Variants in SPIDR observed in about 807,000 individuals in gnomAD.
SPIDR encodes the protein scaffold protein involved in DNA repair.
A neutral mutation model predicts 104.6 loss-of-function variants in SPIDR; 93 were observed. The ratio of observed to expected loss-of-function variants is 0.89; its 90% CI spans 0.75 to 1.06. SPIDR has a LOEUF of 1.06. SPIDR is among the 50% of genes least tolerant of loss of function. SPIDR has a pLI of 0.00. For synonymous variants in SPIDR, 431 were observed against 416.9 expected (o/e 1.03, Z -0.41); for missense variants, 1,154 against 1,111.2 (o/e 1.04, Z -0.55).
chr8:47,734,885 G>T (rs374771430), intron 19 of SPIDR, among the ~76,000 whole-genome samples: 11 of 152,194 alleles, frequency 7.2e-5, no homozygotes, highest in African/African-American at 1.9e-4. Flanking sequence ...ATTAAGGAAG[G>T]AAGTTTGGGG....
At chr8:47,481,747 T>C (rs2154361933) in intron 8 of SPIDR, among the ~76,000 whole-genome samples, 1 of 152,296 alleles carries the variant, frequency 6.6e-6, no homozygotes, top group Middle Eastern at 3.4e-3. Context: ...GCTGATTATA[T>C]GATTGACAAG....
chr8:47,473,148 A>G (rs782240565), intron 8 of SPIDR, among the ~76,000 whole-genome samples: 3 of 152,212 alleles, frequency 2.0e-5, no homozygotes, highest in Non-Finnish European at 2.9e-5. Flanking sequence ...AATTATATAC[A>G]TGAACAAAAT....
At chr8:47,585,882 C>G (rs946933409) in intron 8 of SPIDR, among the ~76,000 whole-genome samples, 3 of 152,102 alleles carry the variant, frequency 2.0e-5, no homozygotes, top group Non-Finnish European at 4.4e-5. Flanking sequence ...ATGACCCAGT[C>G]ATCTCTTTAA....
chr8:47,732,353 A>C (rs1309532737), intron 19 of SPIDR, among the ~76,000 whole-genome samples: 1 of 152,244 alleles, frequency 6.6e-6, no homozygotes, highest in Non-Finnish European at 1.5e-5. Flanking sequence ...GCCCGTGTGC[A>C]TGTGTATGTG....
intron 8 of SPIDR, among the ~76,000 whole-genome samples, chr8:47,565,992 A>ATATATATATATATTTTTT (rs1554802202): frequency 1.3e-4 from 2 of 14,950 alleles, no homozygotes; most frequent in African/African-American, 1.6e-4. Context: ...ATATATATAT[A>ATATATATATATATTTTTT]TTTTTTTTTT....
chr8:47,508,565 G>C (rs182608804), intron 8 of SPIDR, among the ~76,000 whole-genome samples: 2 of 152,314 alleles, frequency 1.3e-5, no homozygotes, highest in Non-Finnish European at 2.9e-5. Flanking sequence ...AAGATGCCGT[G>C]TTGCTTTCGG....
intron 7 of SPIDR, among the ~76,000 whole-genome samples, chr8:47,410,208 A>G (rs570057824): frequency 2.7e-5 from 4 of 150,658 alleles, no homozygotes; most frequent in Admixed American, 6.6e-5. Context: ...TTGAGACAGC[A>G]TCTCGCTCTG....
At chr8:47,448,312 A>G (rs1554703453) in intron 8 of SPIDR, among the ~76,000 whole-genome samples, 1 of 152,210 alleles carries the variant, frequency 6.6e-6, no homozygotes, top group African/African-American at 2.4e-5. Flanking sequence ...ATTGTATTAA[A>G]TCATCATGAA....
chr8:47,284,579 C>T (rs986651921), intron 3 of SPIDR, among the ~76,000 whole-genome samples: 2 of 152,146 alleles, frequency 1.3e-5, no homozygotes, highest in South Asian at 4.1e-4. Context: ...TTGAATTTGT[C>T]TCCTGCAGCA....
chr8:47,496,276 AG>A (rs1433189353), intron 8 of SPIDR, among the ~76,000 whole-genome samples: 1 of 152,114 alleles, frequency 6.6e-6, no homozygotes, highest in Non-Finnish European at 1.5e-5. Flanking sequence ...TGTGGATCTT[AG>A]GGGGAAAGTG....
chr8:47,294,996 T>A (rs1057495839), intron 5 of SPIDR, among the ~76,000 whole-genome samples: 1 of 152,318 alleles, frequency 6.6e-6, no homozygotes, highest in African/African-American at 2.4e-5. Flanking sequence ...TGTCATTGTT[T>A]TTTCCCCTTC....
chr8:47,645,146 C>T (rs1256239298), intron 10 of SPIDR, among the ~76,000 whole-genome samples: 1 of 152,128 alleles, frequency 6.6e-6, no homozygotes, highest in African/African-American at 2.4e-5. Context: ...ACTCCAGCTG[C>T]TCCAGATCAA....
In SPIDR at chr8:47,289,066, G is replaced by A. The variant is rs797028165; in HGVS notation, c.257-1967G>A. 2.8e-3 allele frequency among the ~76,000 whole-genome samples: 429 copies of A among 152,160 alleles called. 3 individuals are homozygous for A. Among genetic ancestry groups the A allele is most frequent in the African/African-American group, 9.6e-3 (397 of 41,506 alleles). On this transcript the variant is annotated intron_variant, in intron 3 of 19. Coordinates refer to ENST00000297423, the MANE Select transcript of SPIDR (RefSeq NM_001080394.4). ...ACCCTGTCACTCGGGATGGAGTGCT[G>A]TGGTGCAGTCATAGCTCACTGCAGC...
chr8:47,588,046 T>A lies in SPIDR; in HGVS notation c.1098-7765T>A, dbSNP rs1160992638. Among the ~76,000 whole-genome samples the A allele has an allele frequency of 4.8e-4, 27 of 56,282 alleles. 1 individual carries two copies. The highest frequency in any genetic ancestry group is 2.5e-3 in the South Asian group (4 of 1,632). 36.9% of individuals were successfully genotyped at this position (56,282 alleles called of 152,430 possible). A position where few individuals can be genotyped will look rare whatever the true frequency, so the allele number is the denominator to read the frequency against. On this transcript the variant is annotated intron_variant, in intron 8 of 19. Coordinates refer to ENST00000297423, the MANE Select transcript of SPIDR (RefSeq NM_001080394.4). ...ATTAGCATATATATATATATATATA[T>A]ATATATATATATATATATATATATA...
At chr8:47,372,684 C>T (rs1554639752) in intron 5 of SPIDR, among the ~76,000 whole-genome samples, 1 of 151,636 alleles carries the variant, frequency 6.6e-6, no homozygotes, top group African/African-American at 2.4e-5. Flanking sequence ...TCATTTAATC[C>T]TCATGATGAT....
In SPIDR at chr8:47,440,379, A is replaced by G; in HGVS notation, c.934A>G (p.Met312Val). ...KILELHEECAMQVAMCEQLLG... is the reference protein window; with the variant it reads ...KILELHEECAVQVAMCEQLLG... ...TTTAGAGCTGCATGAGGAATGTGCCATGCAAGTTGCCATGTGTGAGCAGTT... is the reference window on the plus strand; with the variant it reads ...TTTAGAGCTGCATGAGGAATGTGCCGTGCAAGTTGCCATGTGTGAGCAGTT... The change falls in exon 8 of 20, where the codon ATG becomes GTG. Residue 312 changes from methionine (M) to valine (V), a missense_variant. Met to Val is a conservative substitution (Grantham distance 21). Coordinates refer to ENST00000297423, the MANE Select transcript of SPIDR (RefSeq NM_001080394.4). The G allele has an allele frequency of 1.2e-6, 2 of 1,614,244 alleles. No individual in the cohort carries two copies. The highest frequency in any genetic ancestry group is 1.7e-6 in the Non-Finnish European group (2 of 1,180,028).
At chr8:47,643,515 GTGTTGTTGTTGT>G (rs33933986) in intron 10 of SPIDR, among the ~76,000 whole-genome samples, 2 of 148,908 alleles carry the variant, frequency 1.3e-5, no homozygotes, top group South Asian at 2.1e-4. Context: ...CACCTGGCTA[GTGTTGTTGTTGT>G]TGTTGTTGTT....
intron 5 of SPIDR, among the ~76,000 whole-genome samples, chr8:47,370,912 C>T (rs1156922683): frequency 3.3e-5 from 5 of 152,082 alleles, no homozygotes; most frequent in Admixed American, 3.3e-4. Context: ...GCTTAACAAA[C>T]CCTGTTGAGA....
intron 1 of SPIDR, among the ~76,000 whole-genome samples, chr8:47,271,422 CA>C: frequency 6.6e-6 from 1 of 152,148 alleles, no homozygotes; most frequent in Non-Finnish European, 1.5e-5. Flanking sequence ...TCCTGTTTCT[CA>C]GCTTGGATAA....
Sources: gnomAD v4.1 joint callset for allele counts (sites outside exome capture counted in the v4.1 genomes callset) on GRCh38, gnomAD v4.1.1 for gene constraint, MANE v1.5 for transcripts, NCBI Gene and HGNC (gene_info 2026-07-23, HGNC 2026-07-21) for gene names.